The following BRWD1 variants were observed in gnomAD, a reference collection of about 807,000 sequenced individuals.
The protein encoded by BRWD1 is bromodomain and WD repeat-containing protein 1.
A neutral mutation model predicts 251.2 loss-of-function variants in BRWD1; 82 were observed. The ratio of observed to expected loss-of-function variants is 0.33; its 90% CI spans 0.27 to 0.39. The LOEUF (loss-of-function observed/expected upper bound fraction) is 0.39. BRWD1 is among the 10% of genes least tolerant of loss of function. BRWD1 has a pLI of 1.00. For synonymous variants in BRWD1, 918 were observed against 902.8 expected (o/e 1.02, Z -0.30); for missense variants, 2,233 against 2,711.6 (o/e 0.82, Z 3.92).
chr21:39,309,484 T>G (rs2036397142), intron 4 of BRWD1, among the ~76,000 whole-genome samples: 1 of 151,932 alleles, frequency 6.6e-6, no homozygotes, highest in Admixed American at 6.6e-5. Flanking sequence ...AATCAGTCAA[T>G]GCATGTATGG....
chr21:39,289,828 T>C (rs2035753121), intron 8 of BRWD1, among the ~76,000 whole-genome samples: 1 of 151,518 alleles, frequency 6.6e-6, no homozygotes, highest in Admixed American at 6.6e-5. Flanking sequence ...ATCGAGACCA[T>C]CTTGGCTAAC....
At chr21:39,215,944 G>T (rs1332185287) in intron 31 of BRWD1, among the ~76,000 whole-genome samples, 1 of 152,180 alleles carries the variant, frequency 6.6e-6, no homozygotes, top group Admixed American at 6.5e-5. Flanking sequence ...AGGCTACAGT[G>T]AGCTATCATC....
At chr21:39,273,341 G>A (rs183880525) in intron 13 of BRWD1, among the ~76,000 whole-genome samples, 147 of 152,154 alleles carry the variant, frequency 9.7e-4, no homozygotes, top group African/African-American at 3.3e-3. Flanking sequence ...ATTTGTTTAT[G>A]AGCAAGGGTT....
chr21:39,237,990 AAGG>A (rs1187520956), intron 22 of BRWD1, among the ~76,000 whole-genome samples: 5 of 152,124 alleles, frequency 3.3e-5, no homozygotes, highest in Non-Finnish European at 5.9e-5. Context: ...GAGTGATAGG[AAGG>A]AGAATTTTCT....
At chr21:39,307,634 G>A (rs1210719118) in intron 4 of BRWD1, among the ~76,000 whole-genome samples, 1 of 152,146 alleles carries the variant, frequency 6.6e-6, no homozygotes, top group Non-Finnish European at 1.5e-5. Flanking sequence ...AAGGAATCAG[G>A]TTATGATAGA....
intron 27 of BRWD1, among the ~76,000 whole-genome samples, chr21:39,225,406 C>CT (rs937459165): frequency 3.9e-5 from 6 of 152,154 alleles, no homozygotes; most frequent in South Asian, 2.1e-4. Flanking sequence ...TTTTACAACT[C>CT]TAACACTTCA....
chr21:39,188,642 T>C lies in BRWD1; in HGVS notation c.*7617A>G. On this transcript the variant is annotated 3_prime_UTR_variant, in exon 41 of 41. Transcript: ENST00000342449. ...TGACATGTTCATACAGCTAGACTAATGAGGCAGGCCTCTGCCCTCACAGTG... is the reference window on the plus strand; with the variant it reads ...TGACATGTTCATACAGCTAGACTAACGAGGCAGGCCTCTGCCCTCACAGTG... 1 of 985,454 alleles carries C rather than the reference T, an allele frequency of 1.0e-6. No individual in the cohort carries two copies. The highest frequency in any genetic ancestry group is 1.2e-6 in the Non-Finnish European group (1 of 829,922). 61.0% of individuals were successfully genotyped at this position (985,454 alleles called of 1,614,324 possible).
At chr21:39,296,785 T>C in intron 5 of BRWD1, 1 of 956,588 alleles carries the variant, frequency 1.0e-6, no homozygotes, top group Non-Finnish European at 1.2e-6. Flanking sequence ...TCCCATTTAA[T>C]GCCAAGTGTT....
chr21:39,208,700 T>C (rs935412506), intron 36 of BRWD1, among the ~76,000 whole-genome samples: 6 of 152,072 alleles, frequency 3.9e-5, no homozygotes, highest in African/African-American at 1.4e-4. Flanking sequence ...CTCGTGCCTA[T>C]AGGTGGGATT....
rs1022484364 is a variant in BRWD1, at chr21:39,199,264, T to C, written c.5152A>G (p.Arg1718Gly). The C allele has an allele frequency of 3.7e-6, 6 of 1,614,148 alleles. No individual in the cohort carries two copies. The Admixed American group carries it at 1.0e-4, about 27-fold the overall frequency. The change falls in exon 40 of 41, where the codon AGA (arginine) becomes GGA (glycine). Residue 1718 changes from arginine to glycine, a missense_variant. Arg to Gly is a moderately radical substitution (Grantham distance 125, BLOSUM62 -2). Transcript: ENST00000342449. ...AQSNVDESEN[R>G]DSESESDLRV... ...AAATCACTTTCTGACTCTGAGTCTC[T>C]GTTTTCAGATTCATCAACATTGCTC...
In BRWD1 at chr21:39,192,725, C is replaced by A. The variant is rs1157749614; in HGVS notation, c.*3534G>T. On this transcript the variant is annotated 3_prime_UTR_variant, in exon 41 of 41. Coordinates refer to ENST00000342449, the MANE Select transcript of BRWD1 (RefSeq NM_033656.4). The stretch of plus-strand genomic sequence containing the variant: ...ATTTTCTAGCCATTTAAAAGTTACT[C>A]AAAAAATTGATACAATGGAGTGGAA... 3.0e-6 allele frequency: 3 copies of A among 984,852 alleles called. No individual in the cohort carries two copies. The African/African-American group carries it at 5.2e-5, about 17-fold the overall frequency. The allele number at this position is 984,852 out of a possible 1,614,324, so 61.0% of individuals were successfully genotyped here.
intron 23 of BRWD1, 144 bp from the exon 24 acceptor site, chr21:39,232,642 T>C: frequency 2.3e-6 from 2 of 873,264 alleles, no homozygotes; most frequent in Admixed American, 3.2e-5. Flanking sequence ...ACAGCATATA[T>C]ATTTAGTTCC....
In BRWD1 at chr21:39,187,119, G is replaced by C. The variant is rs956415711; in HGVS notation, c.*9140C>G. The C allele has an allele frequency of 6.2e-7, 1 of 1,610,738 alleles. No individual in the cohort carries two copies. Among genetic ancestry groups the C allele is most frequent in the African/African-American group, 1.3e-5 (1 of 74,700 alleles). On this transcript the variant is annotated 3_prime_UTR_variant, in exon 41 of 41. Transcript: ENST00000342449. ...GCTCTTTTTCACTTTCAGAATTTAT[G>C]GTTGTATCATCCTCTTTATAAACAT...
chr21:39,306,275 T>C lies in BRWD1; in HGVS notation c.198+6566A>G, dbSNP rs188844250. Among the ~76,000 whole-genome samples the C allele has an allele frequency of 2.1e-4, 32 of 152,134 alleles. 1 individual carries two copies. The highest frequency in any genetic ancestry group is 6.7e-4 in the African/African-American group (28 of 41,512). On this transcript the variant is annotated intron_variant, in intron 4 of 40. Coordinates refer to ENST00000342449, the MANE Select transcript of BRWD1 (RefSeq NM_033656.4). ...TAGTAGAGATGAGGTTTCACCATGT[T>C]GGCCAGGATGGTCTCGATCTCTTGA...
chr21:39,199,040 A>G lies in BRWD1; in HGVS notation c.5376T>C (p.Asp1792=), dbSNP rs1230804468. The part of the protein sequence containing the change: ...LKAESISEEA[D]SEPGRSGGRK... ...TACCACCAGATCTTCCTGGTTCAGA[A>G]TCTGCTTCCTCTGAGATGCTCTCTG... Residue 1792 remains aspartate (D), a synonymous_variant, in exon 40 of 41, where the codon GAT becomes GAC. Transcript: ENST00000342449. 1.2e-6 allele frequency: 2 copies of G among 1,614,030 alleles called. No homozygotes were observed. The highest frequency in any genetic ancestry group is 1.7e-6 in the Non-Finnish European group (2 of 1,180,036).
upstream of BRWD1, chr21:39,314,137 C>G (rs566957098): frequency 4.4e-6 from 2 of 455,858 alleles, no homozygotes; most frequent in Non-Finnish European, 8.8e-6. Context: ...CGGAAGACCC[C>G]TCGCTTCGAG....
At chr21:39,244,921 AATAT>A (rs56801824) in intron 21 of BRWD1, among the ~76,000 whole-genome samples, 13,735 of 112,508 alleles carry the variant, frequency 0.12, 1,405 homozygotes, top group Middle Eastern at 0.19. Context: ...CTTTGGAAGA[AATAT>A]ATATATATAT....
Position 39,206,038 on chromosome 21 carries a change from T to C in BRWD1, c.4364+70A>G, listed in dbSNP as rs2032373274. The stretch of plus-strand genomic sequence containing the variant: ...GAGATCATGCCACTGCACTCCAGCC[T>C]GGGTGACACAGTGAGACTCTCTCCA... On this transcript the variant is annotated intron_variant, in intron 37 of 40. Transcript: ENST00000342449. 5.5e-6 allele frequency: 8 copies of C among 1,466,054 alleles called. No homozygotes were observed. In the East Asian group the frequency reaches 1.8e-4, roughly 34 times the overall value. The allele number at this position is 1,466,054 out of a possible 1,614,324, so 90.8% of individuals were successfully genotyped here. A position where few individuals can be genotyped will look rare whatever the true frequency, so the allele number is the denominator to read the frequency against.
chr21:39,188,125 A>G lies in BRWD1; in HGVS notation c.*8134T>C. 1.0e-6 allele frequency: 1 copy of G among 985,432 alleles called. No homozygotes were observed. The highest frequency in any genetic ancestry group is 1.2e-6 in the Non-Finnish European group (1 of 829,926). The allele number at this position is 985,432 out of a possible 1,614,324, so 61.0% of individuals were successfully genotyped here. A position where few individuals can be genotyped will look rare whatever the true frequency, so the allele number is the denominator to read the frequency against. ...GATATGTTTGTTACCAGTGTCTCAAAGCCAAATTTTCAAATTTCACAAACA... is the reference window on the plus strand; with the variant it reads ...GATATGTTTGTTACCAGTGTCTCAAGGCCAAATTTTCAAATTTCACAAACA... On this transcript the variant is annotated 3_prime_UTR_variant, in exon 41 of 41. Transcript: ENST00000342449.
Sources: gnomAD v4.1 joint callset for allele counts (sites outside exome capture counted in the v4.1 genomes callset) on GRCh38, gnomAD v4.1.1 for gene constraint, MANE v1.5 for transcripts, NCBI Gene and HGNC (gene_info 2026-07-23, HGNC 2026-07-21) for gene names.